Variants in CABYR observed in about 807,000 individuals in gnomAD.
CABYR encodes calcium binding tyrosine phosphorylation regulated, also known as calcium-binding tyrosine phosphorylation-regulated protein.
Under a neutral mutation model 36.1 loss-of-function variants are expected in CABYR, and 31 were observed. That is an observed-to-expected ratio of 0.86 (90% CI 0.64 to 1.16). The LOEUF (loss-of-function observed/expected upper bound fraction) is 1.16. CABYR is among the 50% of genes most tolerant of loss of function. The pLI, the probability that CABYR is intolerant of heterozygous loss-of-function variation, is 0.00. For synonymous variants in CABYR, 146 were observed against 160.7 expected (o/e 0.91, Z 0.69); for missense variants, 429 against 455.8 (o/e 0.94, Z 0.53).
At chr18:24,160,120 T>A in intron 5 of CABYR, 51 bp downstream of exon 5, 1 of 1,245,142 alleles carries the variant, frequency 8.0e-7, no homozygotes, top group Non-Finnish European at 1.1e-6. Flanking sequence ...ACGCGCGTTT[T>A]AAGCATTTTG....
chr18:24,161,139 G>A (rs547182597), intron 5 of CABYR, among the ~76,000 whole-genome samples: 4 of 151,908 alleles, frequency 2.6e-5, no homozygotes, highest in African/African-American at 9.7e-5. Context: ...AAGTACAGAA[G>A]TGTTATACAC....
chr18:24,153,252 G>C (rs62089643), intron 3 of CABYR, among the ~76,000 whole-genome samples: 204 of 152,048 alleles, frequency 1.3e-3, no homozygotes, highest in Non-Finnish European at 2.2e-3. Flanking sequence ...CTTTGGACAC[G>C]GGGCTTTCTC....
chr18:24,160,701 G>A (rs1355796040), intron 5 of CABYR: 1 of 152,716 alleles, frequency 6.5e-6, no homozygotes, highest in African/African-American at 2.4e-5. Context: ...CTACATCTTA[G>A]TTGGGGAGAC....
chr18:24,160,368 T>C (rs113051886), intron 5 of CABYR: 19 of 316,588 alleles, frequency 6.0e-5, no homozygotes, highest in African/African-American at 3.2e-4. Context: ...CAGTGGTAGA[T>C]GCGAAAAGGG....
chr18:24,143,192 C>T lies in CABYR; in HGVS notation c.78C>T (p.Leu26=), dbSNP rs141984542. ...TLLEGISRAV[L]KTNPSNINQF... is the part of the protein sequence containing the mutation. ...TCGAGGGAATTAGCAGAGCTGTTCT[C>T]AAAACCAACCCATCAAACATCAACC... Residue 26 remains leucine (L), a synonymous_variant, in exon 2 of 6, where the codon CTC becomes CTT. Transcript: ENST00000399496. The T allele has an allele frequency of 4.4e-5, 71 of 1,613,954 alleles. 1 individual carries two copies. In the African/African-American group the frequency reaches 8.8e-4, roughly 20 times the overall value.
intron 3 of CABYR, among the ~76,000 whole-genome samples, chr18:24,144,585 GTGAGACCCCCA>G (rs749031870): frequency 8.6e-4 from 131 of 152,122 alleles, no homozygotes; most frequent in Non-Finnish European, 1.6e-3. Flanking sequence ...AGGCAAAATA[GTGAGACCCCCA>G]TCTCTAAACA....
At chr18:24,151,734 A>C (rs1377939943) in intron 3 of CABYR, among the ~76,000 whole-genome samples, 1 of 145,556 alleles carries the variant, frequency 6.9e-6, no homozygotes, top group Non-Finnish European at 1.5e-5. Context: ...TTGTTGCCCA[A>C]GCTGGAGTGC....
intron 4 of CABYR, chr18:24,157,106 A>C: frequency 1.3e-6 from 1 of 791,848 alleles, no homozygotes; most frequent in Admixed American, 2.9e-5. Context: ...TTTATTTTCA[A>C]TAGACTTTTT....
chr18:24,150,865 C>T (rs1291745725), intron 3 of CABYR, among the ~76,000 whole-genome samples: 5 of 151,368 alleles, frequency 3.3e-5, no homozygotes, highest in Non-Finnish European at 7.4e-5. Flanking sequence ...CTGCAAGCTC[C>T]GCCTCCCGGG....
In CABYR at chr18:24,159,492, G is replaced by A. The variant is rs143570689; in HGVS notation, c.562G>A (p.Gly188Arg). ...QMLAMATSERGQPPPCSNMWT... is the reference protein window; with the variant it reads ...QMLAMATSERRQPPPCSNMWT... ...TATAGCAATGGCAACAAGTGAACGA[G>A]GACAACCACCACCATGTTCTAACAT... The change falls in exon 5 of 6, where the codon GGA (glycine) becomes AGA (arginine). Residue 188 changes from glycine to arginine, a missense_variant. Transcript: ENST00000399496. The A allele has an allele frequency of 2.5e-6, 4 of 1,612,564 alleles. No individual in the cohort carries two copies. The African/African-American group carries it at 5.4e-5, about 22-fold the overall frequency.
At chr18:24,149,134 C>T (rs556138838) in intron 3 of CABYR, among the ~76,000 whole-genome samples, 2 of 152,048 alleles carry the variant, frequency 1.3e-5, no homozygotes, top group African/African-American at 2.4e-5. Context: ...AAAGGTTCTC[C>T]AAGGCCCCAC....
chr18:24,150,513 AG>A (rs1286945968), intron 3 of CABYR: 1 of 752,284 alleles, frequency 1.3e-6, no homozygotes, highest in African/African-American at 1.9e-5. Context: ...TGAGATCTTT[AG>A]GAAGTCTTAT....
chr18:24,153,187 G>C (rs2085683361), intron 3 of CABYR, among the ~76,000 whole-genome samples: 1 of 151,956 alleles, frequency 6.6e-6, no homozygotes, highest in Non-Finnish European at 1.5e-5. Flanking sequence ...CAGTACAGGA[G>C]GTTCCCTGTT....
chr18:24,152,020 A>C (rs1236030933), intron 3 of CABYR, among the ~76,000 whole-genome samples: 4 of 152,166 alleles, frequency 2.6e-5, no homozygotes, highest in Non-Finnish European at 5.9e-5. Context: ...ACACTATAAA[A>C]GTTTAAGGCA....
intron 3 of CABYR, 100 bp from the exon 4 acceptor site, chr18:24,155,601 C>A (rs912793893): frequency 1.0e-5 from 9 of 877,838 alleles, no homozygotes; most frequent in Non-Finnish European, 1.4e-5. Context: ...GGATTACAGG[C>A]ATGAGCCACT....
intron 1 of CABYR, among the ~76,000 whole-genome samples, chr18:24,142,803 C>G (rs995782642): frequency 6.6e-6 from 1 of 151,810 alleles, no homozygotes; most frequent in East Asian, 1.9e-4. Context: ...GAGGCCGAGG[C>G]GGGCAGATCA....
intron 1 of CABYR, among the ~76,000 whole-genome samples, chr18:24,140,771 C>T (rs2085300945): frequency 6.7e-6 from 1 of 149,374 alleles, no homozygotes; most frequent in African/African-American, 2.5e-5. Context: ...ATTTTTAGCT[C>T]TCACAAATAA....
At chr18:24,153,464 T>C (rs2085690551) in intron 3 of CABYR, among the ~76,000 whole-genome samples, 1 of 152,194 alleles carries the variant, frequency 6.6e-6, no homozygotes, top group Non-Finnish European at 1.5e-5. Context: ...TCCCAGGTAA[T>C]TCCAGACTGA....
intron 5 of CABYR, 31 bp from the exon 6 acceptor site, chr18:24,161,485 A>G (rs758754274): frequency 2.6e-6 from 2 of 779,708 alleles, no homozygotes; most frequent in Non-Finnish European, 4.8e-6. Context: ...TTTAACTTTA[A>G]ACAATTCAAT....
Sources: gnomAD v4.1 joint callset for allele counts (sites outside exome capture counted in the v4.1 genomes callset) on GRCh38, gnomAD v4.1.1 for gene constraint, MANE v1.5 for transcripts, NCBI Gene and HGNC (gene_info 2026-07-23, HGNC 2026-07-21) for gene names.